The following GAN variants were observed in gnomAD, a reference collection of about 807,000 sequenced individuals.
GAN encodes the protein gigaxonin.
A neutral mutation model predicts 71.3 loss-of-function variants in GAN; 48 were observed. The ratio of observed to expected loss-of-function variants is 0.67; its 90% CI spans 0.53 to 0.86. The LOEUF is 0.86. GAN is among the 40% of genes least tolerant of loss of function. The pLI is 0.00. For missense variants in GAN, 928 were observed against 770.1 expected, an observed-to-expected ratio of 1.21 and a Z score of -2.43; for synonymous variants, 386 against 276.8, an observed-to-expected ratio of 1.39 and a Z score of -3.92.
At chr16:81,324,763 T>C (rs112138307) in intron 1 of GAN, among the ~76,000 whole-genome samples, 7 of 152,304 alleles carry the variant, frequency 4.6e-5, no homozygotes, top group African/African-American at 1.4e-4. Context: ...TTACGGGCTA[T>C]GGATGGGCAG....
chr16:81,318,103 G>A (rs937186911), intron 1 of GAN, among the ~76,000 whole-genome samples: 1 of 152,090 alleles, frequency 6.6e-6, no homozygotes, highest in African/African-American at 2.4e-5. Context: ...ATAATATTGG[G>A]CTTTTATAAT....
At chr16:81,349,902 A>G (rs1047711846) in intron 1 of GAN, among the ~76,000 whole-genome samples, 18 of 152,230 alleles carry the variant, frequency 1.2e-4, no homozygotes, top group Admixed American at 1.2e-3. Flanking sequence ...TAACAGAGTT[A>G]TAATTCATAC....
At position 81,376,684 on chromosome 16, in the gene GAN, ATG is replaced by A. The variant is rs539885687; in HGVS notation, c.1503-531_1503-530del. On this transcript the variant is annotated intron_variant, in intron 9 of 10. Coordinates refer to ENST00000648994, the MANE Select transcript of GAN (RefSeq NM_022041.4). Reference sequence around the variant, plus strand: ...TATGTGTGTATATACATATGTGTATATGTGTATATATATGCACACGCATACAC... The same window carrying A: ...TATGTGTGTATATACATATGTGTATATGTATATATATGCACACGCATACAC... Among the ~76,000 whole-genome samples, 300 of 149,252 alleles carry A rather than the reference ATG, an allele frequency of 2.0e-3. 1 individual carries two copies. The highest frequency in any genetic ancestry group is 7.2e-3 in the African/African-American group (283 of 39,188).
rs189822974 is a variant in GAN, at chr16:81,315,973, A to T, written c.167+693A>T. ...GGAGTTACACGTTGAAGTAAACTGTAGCGAATTCTCAGGATGCTGTTACAA... is the reference window on the plus strand; with the variant it reads ...GGAGTTACACGTTGAAGTAAACTGTTGCGAATTCTCAGGATGCTGTTACAA... On this transcript the variant is annotated intron_variant, in intron 1 of 10. Transcript: ENST00000648994. Among the ~76,000 whole-genome samples the T allele has an allele frequency of 1.5e-3, 226 of 152,366 alleles. 3 individuals are homozygous for T. Among genetic ancestry groups the T allele is most frequent in the East Asian group, 3.1e-3 (16 of 5,188 alleles).
chr16:81,319,886 T>C (rs1909170669), intron 1 of GAN, among the ~76,000 whole-genome samples: 1 of 152,236 alleles, frequency 6.6e-6, no homozygotes, highest in South Asian at 2.1e-4. Flanking sequence ...GTTATGTAGC[T>C]CTATGCTATT....
intron 4 of GAN, among the ~76,000 whole-genome samples, 162 bp downstream of exon 4, chr16:81,357,164 G>T (rs1910518440): frequency 6.6e-6 from 1 of 151,874 alleles, no homozygotes. Context: ...GTGCAGGTTA[G>T]TTACATATGT....
At chr16:81,338,200 A>T (rs1329231900) in intron 1 of GAN, among the ~76,000 whole-genome samples, 9 of 152,168 alleles carry the variant, frequency 5.9e-5, no homozygotes, top group Admixed American at 5.9e-4. Flanking sequence ...AATTTTTTTT[A>T]GAGTGTTATA....
In GAN at chr16:81,379,754, C is replaced by T. The variant is rs967201595; in HGVS notation, c.*2158C>T. ...ACTGACATCCAGTTAAAGCCACGAT[C>T]GTCAGCAATTCTCCTTTTTTAATTT... is the stretch of plus-strand genomic sequence containing the variant. On this transcript the variant is annotated 3_prime_UTR_variant, in exon 11 of 11. Transcript: ENST00000648994. The T allele has an allele frequency of 2.0e-5, 3 of 152,286 alleles. No individual in the cohort carries two copies. Among genetic ancestry groups the T allele is most frequent in the East Asian group, 3.9e-4 (2 of 5,194 alleles). 9.4% of individuals were successfully genotyped at this position (152,286 alleles called of 1,614,324 possible).
intron 9 of GAN, among the ~76,000 whole-genome samples, chr16:81,370,282 C>A (rs1249555924): frequency 6.6e-6 from 1 of 152,208 alleles, no homozygotes; most frequent in Non-Finnish European, 1.5e-5. Context: ...CAGGTACTTT[C>A]AGATGCCTTT....
chr16:81,351,712 A>T lies in GAN; in HGVS notation c.282+15A>T. ...TCAGTGGGCAGGTATGATGAGAAAC[A>T]AAGGAAGGAAGACCTAAGTAGAGGC... On this transcript the variant is annotated intron_variant, in intron 2 of 10. Transcript: ENST00000648994. The T allele has an allele frequency of 8.4e-7, 1 of 1,191,190 alleles. No individual in the cohort carries two copies. Among genetic ancestry groups the T allele is most frequent in the Non-Finnish European group, 1.3e-6 (1 of 793,088 alleles). The allele number at this position is 1,191,190 out of a possible 1,614,324, so 73.8% of individuals were successfully genotyped here.
At position 81,356,993 on chromosome 16, in the gene GAN, A is replaced by G; in HGVS notation, c.842A>G (p.Glu281Gly). ...GAGTGCATCGTGACTGTTGGTGGAG[A>G]AGAGAGAGTGTAAGTATGAGGTGGG... ...YSECIVTVGG[E>G]ERVSRKPTAA... The change falls in exon 4 of 11, where the codon GAA (glutamate) becomes GGA (glycine). Residue 281 changes from glutamate to glycine, a missense_variant. Coordinates refer to ENST00000648994, the MANE Select transcript of GAN (RefSeq NM_022041.4). The G allele has an allele frequency of 6.2e-7, 1 of 1,600,104 alleles. No homozygotes were observed. The highest frequency in any genetic ancestry group is 8.6e-7 in the Non-Finnish European group (1 of 1,168,302).
chr16:81,374,806 C>T (rs1430541548), intron 9 of GAN, among the ~76,000 whole-genome samples: 1 of 152,194 alleles, frequency 6.6e-6, no homozygotes, highest in Non-Finnish European at 1.5e-5. Context: ...CTTCATAGAG[C>T]CTCAAATCCT....
chr16:81,330,862 C>A (rs1166379968), intron 1 of GAN, among the ~76,000 whole-genome samples: 3 of 152,172 alleles, frequency 2.0e-5, no homozygotes, highest in African/African-American at 7.2e-5. Flanking sequence ...CTGCCTGATA[C>A]GATATTTCCG....
chr16:81,374,236 G>A (rs1904275255), intron 9 of GAN, among the ~76,000 whole-genome samples: 1 of 152,238 alleles, frequency 6.6e-6, no homozygotes, highest in South Asian at 2.1e-4. Flanking sequence ...ACACGTTGAT[G>A]TGCCTTATTG....
In GAN at chr16:81,365,483, C is replaced by G. The variant is rs1184654649; in HGVS notation, c.1502+5C>G. 13 of 1,613,084 alleles carry G rather than the reference C, an allele frequency of 8.1e-6. No homozygotes were observed. Among genetic ancestry groups the G allele is most frequent in the Non-Finnish European group, 1.1e-5 (13 of 1,179,592 alleles). ...CTACCATGATGAGTTTAAAAGGTAACTAAGAATGGTTTCACATAGCTACTG... is the reference window on the plus strand; with the variant it reads ...CTACCATGATGAGTTTAAAAGGTAAGTAAGAATGGTTTCACATAGCTACTG... On this transcript the variant is annotated splice_donor_5th_base_variant and intron_variant, in intron 9 of 10. Transcript: ENST00000648994.
At position 81,354,492 on chromosome 16, in the gene GAN, T is replaced by G. The variant is rs1910419140; in HGVS notation, c.370T>G (p.Phe124Val). The G allele has an allele frequency of 6.2e-7, 1 of 1,613,730 alleles. No individual in the cohort carries two copies. The highest frequency in any genetic ancestry group is 8.5e-7 in the Non-Finnish European group (1 of 1,179,698). Residue 124 changes from phenylalanine to valine, a missense_variant, in exon 3 of 11, where the codon TTT becomes GTT. Phe to Val is a conservative substitution (Grantham distance 50). Transcript: ENST00000648994. The stretch of plus-strand genomic sequence containing the variant: ...GGACCTTAAAACCCTGTGCTGTGAG[T>G]TTTTGGAAGGCTGCATTGCTGCTGA... The part of the protein sequence containing the change: ...LTDLKTLCCE[F>V]LEGCIAAENC...
intron 5 of GAN, 93 bp downstream of exon 5, chr16:81,358,024 C>A: frequency 9.3e-7 from 1 of 1,076,644 alleles, no homozygotes; most frequent in East Asian, 2.5e-5. Flanking sequence ...TTTAAAGATA[C>A]AATTTTATTA....
intron 1 of GAN, among the ~76,000 whole-genome samples, chr16:81,341,307 C>G (rs1054178647): frequency 3.9e-5 from 6 of 152,214 alleles, no homozygotes; most frequent in African/African-American, 1.2e-4. Context: ...CACAAAGATA[C>G]TCCTCGAGAA....
At chr16:81,336,632 A>ATT (rs201476144) in intron 1 of GAN, among the ~76,000 whole-genome samples, 37 of 120,976 alleles carry the variant, frequency 3.1e-4, no homozygotes, top group Admixed American at 6.5e-4. Flanking sequence ...CAGTTGGCTA[A>ATT]TTTTTTTTTT....
Sources: gnomAD v4.1 joint callset for allele counts (sites outside exome capture counted in the v4.1 genomes callset) on GRCh38, gnomAD v4.1.1 for gene constraint, MANE v1.5 for transcripts, NCBI Gene and HGNC (gene_info 2026-07-23, HGNC 2026-07-21) for gene names.